RABEP2: variants seen among roughly 807,000 people sequenced by gnomAD.
RABEP2 encodes rab GTPase-binding effector protein 2.
Under a neutral mutation model 74.1 loss-of-function variants are expected in RABEP2, and 57 were observed. That is an observed-to-expected ratio of 0.77 (90% CI 0.62 to 0.96). The LOEUF is 0.96. Ranked by LOEUF, RABEP2 falls within the 40% of genes least tolerant of loss-of-function variation. The probability of loss-of-function intolerance (pLI) is 0.00; values close to 1 mark genes in which losing one functional copy is unlikely to be tolerated. For missense variants in RABEP2, 692 were observed against 756.3 expected, an observed-to-expected ratio of 0.91 and a Z score of 1.00; for synonymous variants, 351 against 344.0, an observed-to-expected ratio of 1.02 and a Z score of -0.23.
chr16:28,912,821 C>T (rs1173180032), intron 5 of RABEP2, among the ~76,000 whole-genome samples: 3 of 152,264 alleles, frequency 2.0e-5, no homozygotes, highest in South Asian at 2.1e-4. Context: ...CCCCCGAGGT[C>T]GGACTCATGT....
intron 9 of RABEP2, 23 bp from the exon 10 acceptor site, chr16:28,905,901 G>C (rs201757534): frequency 1.2e-6 from 2 of 1,613,512 alleles, no homozygotes; most frequent in East Asian, 2.2e-5. Flanking sequence ...AAGAAAGAGA[G>C]GTCAAGGCCA....
In RABEP2 at chr16:28,914,698, C is replaced by A. The variant is rs1267954083; in HGVS notation, c.517G>T (p.Ala173Ser). ...TGGATCTCCTGAATCAGCTCCTCGG[C>A]CCTCAGCAGCTTCGCCTTCAGCTCC... Reference protein sequence around the residue: ...IEELKAKLLRAEELIQEIQRR... With the variant: ...IEELKAKLLRSEELIQEIQRR... Residue 173 changes from alanine (A) to serine (S), a missense_variant, in exon 4 of 13, where the codon GCC (alanine) becomes TCC (serine). Transcript: ENST00000358201. 1 of 1,614,172 alleles carries A rather than the reference C, an allele frequency of 6.2e-7. No homozygotes were observed. The highest frequency in any genetic ancestry group is 1.7e-5 in the Admixed American group (1 of 60,028).
At position 28,921,960 on chromosome 16, in the gene RABEP2, G is replaced by A. The variant is rs540156904; in HGVS notation, c.275-2017C>T. ...AGCCTGGGTGACTGAGCGGGACTCCGTCTCAAAAAACAAAAAAACAAAAAA... is the reference window on the plus strand; with the variant it reads ...AGCCTGGGTGACTGAGCGGGACTCCATCTCAAAAAACAAAAAAACAAAAAA... On this transcript the variant is annotated intron_variant, in intron 2 of 12. Coordinates refer to ENST00000358201, the MANE Select transcript of RABEP2 (RefSeq NM_024816.3). 4.1e-4 allele frequency among the ~76,000 whole-genome samples: 63 copies of A among 151,896 alleles called. 1 individual carries two copies. The South Asian group carries it at 6.7e-3, about 16-fold the overall frequency.
At chr16:28,907,967 T>C (rs1367797542) in intron 8 of RABEP2, among the ~76,000 whole-genome samples, 1 of 152,136 alleles carries the variant, frequency 6.6e-6, no homozygotes, top group Non-Finnish European at 1.5e-5. Flanking sequence ...ACCAGGCTAA[T>C]TTTTGTATTT....
Position 28,906,055 on chromosome 16 carries a change from G to A in RABEP2, c.1387C>T (p.Leu463=). 3 of 1,601,564 alleles carry A rather than the reference G, an allele frequency of 1.9e-6. No homozygotes were observed. Among genetic ancestry groups the A allele is most frequent in the Non-Finnish European group, 2.6e-6 (3 of 1,174,910 alleles). ...CGCTGCACCCTCAGCTGCCCCTCCA[G>A]GCTGGCCCTGGCCACTGTCTCCTCC... ...LEEETVARAS[L]EGQLRVQREE... is the part of the protein sequence containing the mutation. Residue 463 remains leucine, a synonymous_variant, in exon 9 of 13, where the codon CTG becomes TTG. Coordinates refer to ENST00000358201, the MANE Select transcript of RABEP2 (RefSeq NM_024816.3).
intron 7 of RABEP2, among the ~76,000 whole-genome samples, 191 bp from the exon 8 acceptor site, chr16:28,908,955 A>AT (rs1330070731): frequency 6.6e-6 from 1 of 152,006 alleles, no homozygotes; most frequent in Admixed American, 6.6e-5. Flanking sequence ...TAACACGCAG[A>AT]TTACAGGCTG....
intron 2 of RABEP2, among the ~76,000 whole-genome samples, chr16:28,920,300 C>T (rs1964453194): frequency 2.6e-5 from 4 of 151,696 alleles, no homozygotes; most frequent in African/African-American, 9.7e-5. Context: ...GAAGATGTGA[C>T]ACTGTTCCTA....
intron 5 of RABEP2, among the ~76,000 whole-genome samples, chr16:28,912,197 GA>G (rs72420511): frequency 0.76 from 111,402 of 147,474 alleles, 43,212 homozygotes; most frequent in African/African-American, 0.94. Flanking sequence ...AGTGAGCCGA[GA>G]ACCACACCAC....
At chr16:28,908,822 G>T in intron 7 of RABEP2, 58 bp from the exon 8 acceptor site, 1 of 1,555,942 alleles carries the variant, frequency 6.4e-7, no homozygotes, top group Non-Finnish European at 8.7e-7. Context: ...CCAGTCCCTA[G>T]GAGGCCAAAC....
intron 3 of RABEP2, among the ~76,000 whole-genome samples, chr16:28,917,187 C>T (rs150264629): frequency 0.01 from 1,576 of 152,086 alleles, 23 homozygotes; most frequent in African/African-American, 0.035. Context: ...CCTATCTCCG[C>T]TTATATGTCC....
In RABEP2 at chr16:28,914,458, G is replaced by C; in HGVS notation, c.672C>G (p.Phe224Leu). Residue 224 changes from phenylalanine (F) to leucine (L), a missense_variant, in exon 5 of 13, where the codon TTC (phenylalanine) becomes TTG (leucine). Phe to Leu is a conservative substitution (Grantham distance 22, BLOSUM62 0). Transcript: ENST00000358201. The part of the protein sequence containing the change: ...SGDGGPAAEA[F>L]AHNCDDSASI... ...AGGCGCTGTCATCGCAGTTGTGAGC[G>C]AAGGCCTCAGCGGCTGGACCCCCAT... 1.9e-6 allele frequency: 3 copies of C among 1,613,494 alleles called. No homozygotes were observed. The highest frequency in any genetic ancestry group is 2.7e-5 in the African/African-American group (2 of 75,062).
At chr16:28,906,268 GGGGATTGTC>G in intron 8 of RABEP2, 72 bp from the exon 9 acceptor site, 2 of 1,463,284 alleles carry the variant, frequency 1.4e-6, no homozygotes, top group Admixed American at 2.6e-5. Flanking sequence ...CCAGCCAGAC[GGGGATTGTC>G]GGGAGGAACG....
intron 3 of RABEP2, among the ~76,000 whole-genome samples, chr16:28,916,787 C>T (rs1001316125): frequency 6.6e-6 from 1 of 151,690 alleles, no homozygotes; most frequent in Non-Finnish European, 1.5e-5. Flanking sequence ...AGTTCAAGAC[C>T]AGACTGGCCA....
intron 2 of RABEP2, among the ~76,000 whole-genome samples, chr16:28,922,611 G>C (rs1234345631): frequency 1.3e-5 from 2 of 152,154 alleles, no homozygotes; most frequent in African/African-American, 4.8e-5. Context: ...TGTAGTCCCA[G>C]CTGGTTGGGA....
intron 3 of RABEP2, among the ~76,000 whole-genome samples, chr16:28,917,626 T>A (rs1203714023): frequency 6.6e-6 from 1 of 152,200 alleles, no homozygotes; most frequent in Non-Finnish European, 1.5e-5. Context: ...TTCCCCAAGT[T>A]AGCCAGGCTG....
In RABEP2 at chr16:28,904,982, C is replaced by G. The variant is rs374414382; in HGVS notation, c.1671G>C (p.Glu557Asp). Reference sequence around the variant, plus strand: ...TGTCCCTGACGTCCGTGAGTGGCGCCTCATCCATGATGCTGCGCACTTGCT... The same window carrying G: ...TGTCCCTGACGTCCGTGAGTGGCGCGTCATCCATGATGCTGCGCACTTGCT... ...TLEQVRSIMD[E>D]APLTDVRDIK... The change falls in exon 13 of 13, where the codon GAG becomes GAC. Residue 557 changes from glutamate to aspartate, a missense_variant. Glu to Asp is a conservative substitution (Grantham distance 45). Coordinates refer to ENST00000358201, the MANE Select transcript of RABEP2 (RefSeq NM_024816.3). 1 of 1,612,734 alleles carries G rather than the reference C, an allele frequency of 6.2e-7. No individual in the cohort carries two copies. The highest frequency in any genetic ancestry group is 8.5e-7 in the Non-Finnish European group (1 of 1,179,750).
rs147542313 is a variant in RABEP2 at position 28,913,729 on chromosome 16, G to A, written c.894+507C>T. 7.2e-3 allele frequency among the ~76,000 whole-genome samples: 1,089 copies of A among 150,696 alleles called. 10 individuals carry two copies. The highest frequency in any genetic ancestry group is 0.026 in the African/African-American group (1,049 of 41,010). On this transcript the variant is annotated intron_variant, in intron 5 of 12. Coordinates refer to ENST00000358201, the MANE Select transcript of RABEP2 (RefSeq NM_024816.3). ...TGACCTCAGGTGATCCACCCACCTC[G>A]GCCTCCCAAAGTGCTGGGATTACAG...
intron 2 of RABEP2, among the ~76,000 whole-genome samples, chr16:28,920,266 G>A (rs1368862929): frequency 6.6e-6 from 1 of 151,874 alleles, no homozygotes; most frequent in East Asian, 1.9e-4. Flanking sequence ...CAGGCAAGGT[G>A]TCCAGCCCTT....
chr16:28,919,678 A>G (rs898042066), intron 3 of RABEP2, 108 bp downstream of exon 3: 9 of 1,291,428 alleles, frequency 7.0e-6, no homozygotes, highest in Non-Finnish European at 9.6e-6. Flanking sequence ...TGCTATTCCT[A>G]GAATCACTGC....
Sources: gnomAD v4.1 joint callset for allele counts (sites outside exome capture counted in the v4.1 genomes callset) on GRCh38, gnomAD v4.1.1 for gene constraint, MANE v1.5 for transcripts, NCBI Gene and HGNC (gene_info 2026-07-23, HGNC 2026-07-21) for gene names.